Variants in NR2C1 observed in about 807,000 individuals in gnomAD.
NR2C1 encodes the protein TR2 nuclear hormone receptor.
NR2C1 carries 33 observed loss-of-function variants against 74.8 expected under a neutral mutation model. That is an observed-to-expected ratio of 0.44 (90% CI 0.33 to 0.59). The LOEUF is 0.59. Among genes scored for constraint, NR2C1 ranks in the 20% least tolerant of loss-of-function variants. The pLI is 0.02. For missense variants in NR2C1, 568 were observed against 715.6 expected (o/e 0.79, Z 2.35); for synonymous variants, 225 against 240.6 (o/e 0.94, Z 0.60).
intron 13 of NR2C1, among the ~76,000 whole-genome samples, chr12:95,023,734 T>G (rs1404374121): frequency 6.6e-6 from 1 of 152,190 alleles, no homozygotes; most frequent in Non-Finnish European, 1.5e-5. Flanking sequence ...AGTTGAAAAC[T>G]ACTATCCAAG....
chr12:95,034,812 G>A (rs1243675827), intron 10 of NR2C1, among the ~76,000 whole-genome samples: 1 of 152,154 alleles, frequency 6.6e-6, no homozygotes, highest in Admixed American at 6.6e-5. Flanking sequence ...CTAGGCTGTA[G>A]CATATAGCCT....
rs749742117 is a variant in NR2C1, at chr12:95,049,098, T to C, written c.1101A>G (p.Pro367=). ...AAGCTACATGTGAATCGCTGAGAAG[T>C]GGCCCCTCTTTTTCGGTGTAATTTA... The part of the protein sequence containing the change: ...SSINYTEKEG[P]LLSDSHVAFR... Residue 367 remains proline (P), a synonymous_variant, in exon 9 of 14, where the codon CCA becomes CCG. Coordinates refer to ENST00000333003, the MANE Select transcript of NR2C1 (RefSeq NM_003297.4). 7 of 1,614,036 alleles carry C rather than the reference T, an allele frequency of 4.3e-6. No individual in the cohort carries two copies. Among genetic ancestry groups the C allele is most frequent in the Non-Finnish European group, 5.9e-6 (7 of 1,179,942 alleles).
chr12:95,040,198 C>T (rs2136124746), intron 10 of NR2C1, among the ~76,000 whole-genome samples: 1 of 152,140 alleles, frequency 6.6e-6, no homozygotes, highest in Admixed American at 6.5e-5. Context: ...AAAGATGAGG[C>T]CTGTTACAAA....
In NR2C1 at chr12:95,040,559, C is replaced by G. The variant is rs767642382; in HGVS notation, c.1170G>C (p.Val390=). 1.8e-5 allele frequency: 29 copies of G among 1,613,596 alleles called. No individual in the cohort carries two copies. The highest frequency in any genetic ancestry group is 1.1e-5 in the Non-Finnish European group (13 of 1,179,746). The change falls in exon 10 of 14, where the codon GTG becomes GTC. Residue 390 remains valine, a synonymous_variant. Coordinates refer to ENST00000333003, the MANE Select transcript of NR2C1 (RefSeq NM_003297.4). ...TGGAGGCAGACTCCCCAATGTAGTGCACATTCAGGTACTCAGGCATAGGAG... is the reference window on the plus strand; with the variant it reads ...TGGAGGCAGACTCCCCAATGTAGTGGACATTCAGGTACTCAGGCATAGGAG... The part of the protein sequence containing the change: ...MPSPMPEYLN[V]HYIGESASRL...
chr12:95,050,484 T>C (rs965923810), intron 8 of NR2C1, among the ~76,000 whole-genome samples: 3 of 152,094 alleles, frequency 2.0e-5, no homozygotes, highest in Non-Finnish European at 2.9e-5. Context: ...AATTTTTTCA[T>C]TTTTAGTAGA....
chr12:95,050,668 G>T (rs1285971086), intron 8 of NR2C1, among the ~76,000 whole-genome samples: 1 of 151,064 alleles, frequency 6.6e-6, no homozygotes. Context: ...CTAGTTGCCG[G>T]TTGACTCAAA....
chr12:95,057,611 A>G lies in NR2C1; in HGVS notation c.725T>C (p.Met242Thr), dbSNP rs922549776. 1.1e-5 allele frequency: 17 copies of G among 1,614,118 alleles called. No individual in the cohort carries two copies. The highest frequency in any genetic ancestry group is 1.4e-5 in the Non-Finnish European group (17 of 1,179,996). Reference sequence around the variant, plus strand: ...TTTTACTCCAGATGGATGAATATTCATGAACATTCCTGAATCTAACAGTCC... The same window carrying G: ...TTTTACTCCAGATGGATGAATATTCGTGAACATTCCTGAATCTAACAGTCC... ...STGLLDSGMFMNIHPSGVKTE... is the reference protein window; with the variant it reads ...STGLLDSGMFTNIHPSGVKTE... Residue 242 changes from methionine to threonine, a missense_variant, in exon 7 of 14, where the codon ATG becomes ACG. Met to Thr is a moderately conservative substitution (Grantham distance 81, BLOSUM62 -1). Around this residue, in one of 6 missense-constraint regions of NR2C1, gnomAD observed 239 missense variants for 232.3 expected, o/e 1.03. Transcript: ENST00000333003.
chr12:95,067,878 CTTTTTTTT>C (rs35730526), intron 1 of NR2C1, among the ~76,000 whole-genome samples: 1 of 110,026 alleles, frequency 9.1e-6, no homozygotes, highest in Non-Finnish European at 1.8e-5. Flanking sequence ...CTCCATGTAT[CTTTTTTTT>C]TTTTTTTTTT....
chr12:95,068,559 C>A (rs1188424841), intron 1 of NR2C1, among the ~76,000 whole-genome samples: 1 of 152,084 alleles, frequency 6.6e-6, no homozygotes, highest in African/African-American at 2.4e-5. Context: ...CTATGGGAGG[C>A]CAAGGTGGGC....
At chr12:95,025,019 T>G in intron 13 of NR2C1, 131 bp downstream of exon 13, 1 of 516,358 alleles carries the variant, frequency 1.9e-6, no homozygotes. Flanking sequence ...ATACTGCTTT[T>G]TATAGCATTA....
chr12:95,029,597 G>A (rs1483883914), intron 11 of NR2C1, among the ~76,000 whole-genome samples: 3 of 139,902 alleles, frequency 2.1e-5, no homozygotes, highest in East Asian at 4.2e-4. Flanking sequence ...TCGCTCTGTC[G>A]CCCAGGCTGG....
At chr12:95,028,353 T>C (rs756865146) in intron 12 of NR2C1, 34 bp downstream of exon 12, 2 of 1,572,700 alleles carry the variant, frequency 1.3e-6, no homozygotes, top group East Asian at 4.5e-5. Flanking sequence ...TCGTGAAACA[T>C]TTTATTTTGA....
intron 10 of NR2C1, among the ~76,000 whole-genome samples, chr12:95,032,243 T>C (rs772920137): frequency 6.6e-6 from 1 of 152,178 alleles, no homozygotes; most frequent in Non-Finnish European, 1.5e-5. Context: ...AGAGGAGATA[T>C]TAGTATCCCT....
intron 9 of NR2C1, among the ~76,000 whole-genome samples, chr12:95,048,137 G>A (rs1872536610): frequency 6.6e-6 from 1 of 152,038 alleles, no homozygotes; most frequent in Non-Finnish European, 1.5e-5. Flanking sequence ...TGTTGCCCAG[G>A]CTGGTCTCCA....
At chr12:95,070,942 G>A (rs983778809) in intron 1 of NR2C1, among the ~76,000 whole-genome samples, 1 of 152,226 alleles carries the variant, frequency 6.6e-6, no homozygotes, top group Non-Finnish European at 1.5e-5. Flanking sequence ...GCTCACGCCT[G>A]TAATCCCAGC....
intron 7 of NR2C1, among the ~76,000 whole-genome samples, chr12:95,057,154 G>GA (rs200029526): frequency 0.018 from 2,675 of 147,662 alleles, 78 homozygotes; most frequent in African/African-American, 0.063. Flanking sequence ...GCCCAGGCGG[G>GA]AGTGCAATGG....
Position 95,062,649 on chromosome 12 carries a change from A to G in NR2C1, c.144T>C (p.Asn48=). Residue 48 remains asparagine, a synonymous_variant, in exon 3 of 14, where the codon AAT becomes AAC. Coordinates refer to ENST00000333003, the MANE Select transcript of NR2C1 (RefSeq NM_003297.4). ...CTTTGCTTGGAGTAGAGCCGTCGTG[A>G]TTTGTCAGAATGAACTGCTTGCCTT... The part of the protein sequence containing the change: ...NTQGKQFILT[N]HDGSTPSKVI... 6.2e-7 allele frequency: 1 copy of G among 1,614,032 alleles called. No homozygotes were observed.
Position 95,021,910 on chromosome 12 carries a change from A to C in NR2C1, c.*319T>G, listed in dbSNP as rs1760762113. On this transcript the variant is annotated 3_prime_UTR_variant, in exon 14 of 14. Coordinates refer to ENST00000333003, the MANE Select transcript of NR2C1 (RefSeq NM_003297.4). Reference sequence around the variant, plus strand: ...GAACACAATTCAGAAAAAAGAGACTAATTTATTTGTTTTATAAAATAGAAT... The same window carrying C: ...GAACACAATTCAGAAAAAAGAGACTCATTTATTTGTTTTATAAAATAGAAT... 3 of 173,758 alleles carry C rather than the reference A, an allele frequency of 1.7e-5. No individual in the cohort carries two copies. The highest frequency in any genetic ancestry group is 3.6e-5 in the Non-Finnish European group (3 of 82,854). 10.8% of individuals were successfully genotyped at this position (173,758 alleles called of 1,614,324 possible). A position where few individuals can be genotyped will look rare whatever the true frequency, so the allele number is the denominator to read the frequency against.
chr12:95,044,009 C>A (rs1871961599), intron 9 of NR2C1, among the ~76,000 whole-genome samples: 1 of 152,172 alleles, frequency 6.6e-6, no homozygotes, highest in South Asian at 2.1e-4. Context: ...TAGTCCATTT[C>A]ACAAGTCTTT....
Sources: allele counts gnomAD v4.1 joint callset (sites outside exome capture counted in the v4.1 genomes callset), GRCh38; gene constraint gnomAD v4.1.1; regional missense constraint gnomAD v4.1.1; transcripts MANE v1.5; gene names NCBI Gene and HGNC (gene_info 2026-07-23, HGNC 2026-07-21).